The following PDE2A variants were observed in gnomAD, a reference collection of about 807,000 sequenced individuals.
PDE2A encodes the protein cGMP-dependent 3',5'-cyclic phosphodiesterase.
PDE2A carries 53 observed loss-of-function variants against 133.6 expected under a neutral mutation model. The ratio of observed to expected loss-of-function variants is 0.40; its 90% CI spans 0.32 to 0.50. The LOEUF is 0.50. Ranked by LOEUF, PDE2A falls within the 20% of genes least tolerant of loss-of-function variation. The pLI, the probability that PDE2A is intolerant of heterozygous loss-of-function variation, is 0.73. For synonymous variants in PDE2A, 491 were observed against 490.2 expected, an observed-to-expected ratio of 1.00 and a Z score of -0.02; for missense variants, 796 against 1,232.4, an observed-to-expected ratio of 0.65 and a Z score of 5.30.
At chr11:72,606,443 T>C (rs1029979847) in intron 3 of PDE2A, among the ~76,000 whole-genome samples, 1 of 152,200 alleles carries the variant, frequency 6.6e-6, no homozygotes, top group Non-Finnish European at 1.5e-5. Flanking sequence ...GCCACTCTTC[T>C]TGTCATCAGC....
intron 2 of PDE2A, among the ~76,000 whole-genome samples, chr11:72,627,935 A>G (rs971123221): frequency 6.6e-6 from 1 of 152,246 alleles, no homozygotes; most frequent in Non-Finnish European, 1.5e-5. Context: ...CTGAGCTGGA[A>G]GAGCCCCTCC....
chr11:72,670,585 C>T (rs962789471), intron 1 of PDE2A, among the ~76,000 whole-genome samples: 1 of 138,848 alleles, frequency 7.2e-6, no homozygotes, highest in African/African-American at 2.5e-5. Context: ...CCTTATTTGA[C>T]CATGCCTGCT....
chr11:72,662,375 A>T (rs1048456719), intron 1 of PDE2A, among the ~76,000 whole-genome samples: 5 of 152,150 alleles, frequency 3.3e-5, no homozygotes, highest in African/African-American at 1.2e-4. Context: ...CTCGCCTCCC[A>T]GGGAGGCCCA....
chr11:72,583,212 C>T (rs1401483397), intron 20 of PDE2A, among the ~76,000 whole-genome samples: 1 of 152,208 alleles, frequency 6.6e-6, no homozygotes. Flanking sequence ...CAATTACTCC[C>T]TGGGCTGGTT....
intron 2 of PDE2A, among the ~76,000 whole-genome samples, chr11:72,624,742 T>C (rs1335569798): frequency 1.3e-5 from 2 of 152,246 alleles, no homozygotes; most frequent in Non-Finnish European, 2.9e-5. Flanking sequence ...ACACAATCAA[T>C]ATCACACAGT....
chr11:72,585,185 C>G lies in PDE2A; in HGVS notation c.1286+186G>C, dbSNP rs1404753846. ...ATAGGAGCTGAGGATCCAAAGCCAG[C>G]CCTGTCCCTGCTGTATTGGAGCCTA... is the stretch of plus-strand genomic sequence containing the variant. On this transcript the variant is annotated intron_variant, in intron 16 of 30. Transcript: ENST00000334456. The G allele has an allele frequency of 1.4e-5, 9 of 658,188 alleles. No individual in the cohort carries two copies. The South Asian group carries it at 1.6e-4, about 12-fold the overall frequency. The allele number at this position is 658,188 out of a possible 1,614,324, so 40.8% of individuals were successfully genotyped here.
At chr11:72,599,098 C>A (rs1402808550) in intron 4 of PDE2A, 2 of 920,838 alleles carry the variant, frequency 2.2e-6, no homozygotes, top group African/African-American at 3.6e-5. Flanking sequence ...TAACCGGAGG[C>A]CACAAGGTGG....
At position 72,578,625 on chromosome 11, in the gene PDE2A, C is replaced by T; in HGVS notation, c.2470-111G>A. 1 of 978,570 alleles carries T rather than the reference C, an allele frequency of 1.0e-6. No homozygotes were observed. Among genetic ancestry groups the T allele is most frequent in the Admixed American group, 1.8e-5 (1 of 54,706 alleles). 60.6% of individuals were successfully genotyped at this position (978,570 alleles called of 1,614,324 possible). ...CTGAGGCCCAGGGATTCAGTCCCAG[C>T]TCAGGAGCCGTCCCCACCAGCCCCA... On this transcript the variant is annotated intron_variant, in intron 28 of 30. Coordinates refer to ENST00000334456, the MANE Select transcript of PDE2A (RefSeq NM_002599.5). The surrounding 1 kb of genome is among the most constrained non-coding windows in gnomAD (Gnocchi z 4.2).
chr11:72,604,806 GCATGCCGGTGTTC>G (rs1413571312), intron 4 of PDE2A, among the ~76,000 whole-genome samples: 1 of 152,200 alleles, frequency 6.6e-6, no homozygotes, highest in African/African-American at 2.4e-5. Context: ...AGTTCTCACA[GCATGCCGGTGTTC>G]TAACTGATAC....
At chr11:72,660,960 T>G (rs1330188969) in intron 1 of PDE2A, among the ~76,000 whole-genome samples, 4 of 151,254 alleles carry the variant, frequency 2.6e-5, no homozygotes, top group Non-Finnish European at 5.9e-5. Flanking sequence ...TCAGGCAGGG[T>G]CTGAGAAAAT....
chr11:72,614,085 C>T (rs1475731635), intron 2 of PDE2A, among the ~76,000 whole-genome samples: 9 of 152,238 alleles, frequency 5.9e-5, no homozygotes, highest in Non-Finnish European at 8.8e-5. Flanking sequence ...TCTATGCCTC[C>T]TCGCAGCCTT....
intron 6 of PDE2A, among the ~76,000 whole-genome samples, chr11:72,593,918 T>G (rs1269097289): frequency 6.6e-6 from 1 of 152,236 alleles, no homozygotes; most frequent in Non-Finnish European, 1.5e-5. Flanking sequence ...TCACTTGTTT[T>G]GCAGTATTTT....
intron 2 of PDE2A, among the ~76,000 whole-genome samples, chr11:72,611,246 C>T (rs11824863): frequency 0.029 from 4,488 of 152,182 alleles, 221 homozygotes; most frequent in African/African-American, 0.1. Context: ...CCCATTTGAC[C>T]GATGAGGAAG....
chr11:72,600,196 C>T (rs540854722), intron 4 of PDE2A, among the ~76,000 whole-genome samples: 6 of 152,176 alleles, frequency 3.9e-5, no homozygotes, highest in South Asian at 2.1e-4. Context: ...TGAGCAGGGA[C>T]GGTAATGGTC....
chr11:72,611,018 G>A (rs750681204), intron 2 of PDE2A, among the ~76,000 whole-genome samples: 5 of 152,194 alleles, frequency 3.3e-5, no homozygotes, highest in Non-Finnish European at 7.3e-5. Context: ...ACGCTCCCCA[G>A]ACGGGGGCTC....
chr11:72,578,631 A>T lies in PDE2A; in HGVS notation c.2470-117T>A, dbSNP rs1329869604. On this transcript the variant is annotated intron_variant, in intron 28 of 30. Transcript: ENST00000334456. The surrounding 1 kb of genome is among the most constrained non-coding windows in gnomAD (Gnocchi z 4.2). The stretch of plus-strand genomic sequence containing the variant: ...CCCAGGGATTCAGTCCCAGCTCAGG[A>T]GCCGTCCCCACCAGCCCCAGCTTGG... 4 of 924,154 alleles carry T rather than the reference A, an allele frequency of 4.3e-6. No individual in the cohort carries two copies. In the African/African-American group the frequency reaches 6.5e-5, roughly 15 times the overall value. The allele number at this position is 924,154 out of a possible 1,614,324, so 57.2% of individuals were successfully genotyped here. A position where few individuals can be genotyped will look rare whatever the true frequency, so the allele number is the denominator to read the frequency against.
At chr11:72,591,798 T>G (rs1270902038) in intron 6 of PDE2A, among the ~76,000 whole-genome samples, 1 of 152,210 alleles carries the variant, frequency 6.6e-6, no homozygotes, top group African/African-American at 2.4e-5. Flanking sequence ...GGGCTCAGTA[T>G]GATGCACCTG....
chr11:72,626,430 C>T (rs1858071423), intron 2 of PDE2A, among the ~76,000 whole-genome samples: 1 of 152,134 alleles, frequency 6.6e-6, no homozygotes, highest in Non-Finnish European at 1.5e-5. Flanking sequence ...CAGCCACTCC[C>T]TTGGGGCCAT....
At position 72,584,853 on chromosome 11, in the gene PDE2A, T is replaced by A. The variant is rs750656481; in HGVS notation, c.1359+19A>T. The stretch of plus-strand genomic sequence containing the variant: ...CCCGGACACCCCTAGGGCCACATAC[T>A]CCCTCCACACCCTCTCACCTCATCA... On this transcript the variant is annotated intron_variant, in intron 17 of 30. Coordinates refer to ENST00000334456, the MANE Select transcript of PDE2A (RefSeq NM_002599.5). 1.9e-6 allele frequency: 3 copies of A among 1,612,100 alleles called. No homozygotes were observed. Among genetic ancestry groups the A allele is most frequent in the African/African-American group, 2.7e-5 (2 of 74,798 alleles).
Sources: gnomAD v4.1 joint callset for allele counts (sites outside exome capture counted in the v4.1 genomes callset) on GRCh38, gnomAD v4.1.1 for gene constraint, Gnocchi (gnomAD v3.1) non-coding constraint, MANE v1.5 for transcripts, NCBI Gene and HGNC (gene_info 2026-07-23, HGNC 2026-07-21) for gene names.